Variants in AGBL4 observed in about 807,000 individuals in gnomAD.
AGBL4 encodes the protein cytosolic carboxypeptidase 6.
In AGBL4, 58 loss-of-function variants were observed where a neutral mutation model predicts 66.4. The ratio of observed to expected loss-of-function variants is 0.87; its 90% confidence interval spans 0.71 to 1.09. The LOEUF is 1.09. AGBL4 is among the 50% of genes least tolerant of loss of function. AGBL4 has a pLI of 0.00. For synonymous variants in AGBL4, 234 were observed against 222.9 expected (o/e 1.05, Z -0.44); for missense variants, 579 against 631.0 (o/e 0.92, Z 0.88).
chr1:49,074,072 G>A (rs1200765422), intron 4 of AGBL4, among the ~76,000 whole-genome samples: 1 of 152,130 alleles, frequency 6.6e-6, no homozygotes, highest in East Asian at 1.9e-4. Flanking sequence ...CAGCAATGGC[G>A]GATGCCCCTC....
intron 3 of AGBL4, among the ~76,000 whole-genome samples, chr1:49,289,826 A>C (rs1184932944): frequency 2.6e-5 from 4 of 152,156 alleles, no homozygotes; most frequent in African/African-American, 9.7e-5. Flanking sequence ...ACCCAAAGTA[A>C]GTAGAAGGAA....
chr1:49,960,534 T>C (rs1324794173), intron 1 of AGBL4, among the ~76,000 whole-genome samples: 2 of 152,030 alleles, frequency 1.3e-5, no homozygotes, highest in East Asian at 1.9e-4. Context: ...CAATATATTA[T>C]GTAGTTTAAA....
chr1:48,536,602 G>A (rs978996046), intron 12 of AGBL4, among the ~76,000 whole-genome samples: 3 of 152,206 alleles, frequency 2.0e-5, no homozygotes, highest in Admixed American at 1.3e-4. Flanking sequence ...GGACTGGCAC[G>A]TAGTGGGCTC....
chr1:48,923,408 G>A (rs1274863630), intron 5 of AGBL4, among the ~76,000 whole-genome samples: 1 of 152,170 alleles, frequency 6.6e-6, no homozygotes. Flanking sequence ...TGTTCTGATT[G>A]TTCCAGAAAA....
At chr1:48,676,521 A>G (rs1449873798) in intron 6 of AGBL4, among the ~76,000 whole-genome samples, 1 of 152,224 alleles carries the variant, frequency 6.6e-6, no homozygotes, top group Non-Finnish European at 1.5e-5. Flanking sequence ...ATGAGGTTGT[A>G]TTTGTAAAGC....
chr1:49,709,256 C>T (rs972912824), intron 2 of AGBL4, among the ~76,000 whole-genome samples: 1 of 152,178 alleles, frequency 6.6e-6, no homozygotes, highest in African/African-American at 2.4e-5. Context: ...ATGCCCTGCC[C>T]AGAGAGGAGG....
intron 6 of AGBL4, among the ~76,000 whole-genome samples, chr1:48,764,547 A>T (rs1187203437): frequency 6.6e-6 from 1 of 152,120 alleles, no homozygotes; most frequent in African/African-American, 2.4e-5. Context: ...AGCAGGAGGG[A>T]GAGGTGAGAA....
intron 3 of AGBL4, among the ~76,000 whole-genome samples, chr1:49,333,947 AAG>A (rs1208006617): frequency 1.3e-5 from 2 of 152,214 alleles, no homozygotes; most frequent in Non-Finnish European, 2.9e-5. Context: ...TTCCCAAACT[AAG>A]AGCAGATGCA....
At chr1:48,541,192 C>T (rs1313685049) in intron 11 of AGBL4, among the ~76,000 whole-genome samples, 1 of 152,220 alleles carries the variant, frequency 6.6e-6, no homozygotes, top group African/African-American at 2.4e-5. Flanking sequence ...AGGACCCACT[C>T]CTTCTCAGCT....
intron 6 of AGBL4, among the ~76,000 whole-genome samples, chr1:48,846,860 A>G (rs1646928898): frequency 6.6e-6 from 1 of 152,174 alleles, no homozygotes; most frequent in Non-Finnish European, 1.5e-5. Flanking sequence ...ATAACCTACA[A>G]TCATTTTCTT....
At chr1:49,869,522 C>T (rs1004624782) in intron 1 of AGBL4, among the ~76,000 whole-genome samples, 4 of 152,152 alleles carry the variant, frequency 2.6e-5, no homozygotes, top group Admixed American at 2.6e-4. Context: ...CATGTTCTCA[C>T]TTACAAGTGG....
chr1:49,183,274 T>G (rs1455247058), intron 4 of AGBL4, among the ~76,000 whole-genome samples: 1 of 152,200 alleles, frequency 6.6e-6, no homozygotes, highest in Admixed American at 6.5e-5. Flanking sequence ...GACCTCTACT[T>G]TTAATTTTGC....
chr1:48,738,671 C>A (rs1436777262), intron 6 of AGBL4, among the ~76,000 whole-genome samples: 1 of 152,166 alleles, frequency 6.6e-6, no homozygotes, highest in African/African-American at 2.4e-5. Flanking sequence ...GCCAACTTTA[C>A]ATTTTTCAAA....
intron 6 of AGBL4, among the ~76,000 whole-genome samples, chr1:48,667,372 G>T (rs1230269695): frequency 6.6e-6 from 1 of 152,192 alleles, no homozygotes; most frequent in East Asian, 1.9e-4. Flanking sequence ...AGCCCACATG[G>T]TGAGGTACTA....
chr1:48,740,571 A>G (rs1432982489), intron 6 of AGBL4, among the ~76,000 whole-genome samples: 2 of 152,232 alleles, frequency 1.3e-5, no homozygotes, highest in Admixed American at 1.3e-4. Flanking sequence ...CTATTTGACC[A>G]AAGTGTTAGT....
At chr1:49,747,172 T>C (rs1435624174) in intron 2 of AGBL4, among the ~76,000 whole-genome samples, 1 of 152,066 alleles carries the variant, frequency 6.6e-6, no homozygotes, top group African/African-American at 2.4e-5. Context: ...GATATTTTAT[T>C]TTCACCTTCA....
At chr1:49,282,671 G>C (rs920370801) in intron 3 of AGBL4, among the ~76,000 whole-genome samples, 1 of 152,202 alleles carries the variant, frequency 6.6e-6, no homozygotes, top group Non-Finnish European at 1.5e-5. Context: ...CTCGCACCGT[G>C]CGCGAGCCAA....
At chr1:48,584,874 C>T (rs1644794903) in intron 11 of AGBL4, 1 of 152,108 alleles carries the variant, frequency 6.6e-6, no homozygotes, top group South Asian at 2.1e-4. Context: ...AGAACTTTAC[C>T]TGACCTATGA....
At chr1:48,899,466 C>CT (rs1320600469) in intron 5 of AGBL4, among the ~76,000 whole-genome samples, 9 of 150,484 alleles carry the variant, frequency 6.0e-5, no homozygotes, top group Non-Finnish European at 1.3e-4. Context: ...CATTTCCAGG[C>CT]AGCAAAGAGA....
Sources: gnomAD v4.1 joint callset for allele counts (sites outside exome capture counted in the v4.1 genomes callset) on GRCh38, gnomAD v4.1.1 for gene constraint, MANE v1.5 for transcripts, NCBI Gene and HGNC (gene_info 2026-07-23, HGNC 2026-07-21) for gene names.